The following CACTIN variants were observed in gnomAD, a reference collection of about 807,000 sequenced individuals.
CACTIN encodes the protein cactin, spliceosome C complex subunit, also known as splicing factor Cactin.
Under a neutral mutation model 84.9 loss-of-function variants are expected in CACTIN, and 20 were observed. The observed-to-expected ratio is 0.24, with a 90% confidence interval of 0.17 to 0.34. CACTIN has a LOEUF of 0.34. Among genes scored for constraint, CACTIN ranks in the 10% least tolerant of loss-of-function variants. CACTIN has a pLI of 1.00. For synonymous variants in CACTIN, 549 were observed against 467.9 expected, an observed-to-expected ratio of 1.17 and a Z score of -2.24; for missense variants, 897 against 1,117.2, an observed-to-expected ratio of 0.80 and a Z score of 2.81.
At chr19:3,617,493 G>A (rs1232434518) in intron 6 of CACTIN, among the ~76,000 whole-genome samples, 1 of 152,230 alleles carries the variant, frequency 6.6e-6, no homozygotes, top group Non-Finnish European at 1.5e-5. Flanking sequence ...GGAGGGCTGA[G>A]CGACGTGGTG....
At position 3,623,715 on chromosome 19, in the gene CACTIN, G is replaced by T; in HGVS notation, c.615C>A (p.Asn205Lys). 6.2e-7 allele frequency: 1 copy of T among 1,612,016 alleles called. No individual in the cohort carries two copies. Among genetic ancestry groups the T allele is most frequent in the Non-Finnish European group, 8.5e-7 (1 of 1,178,628 alleles). Reference protein sequence around the residue: ...TNTDNPFGDNNLLGTFIWNKA... With the variant: ...TNTDNPFGDNKLLGTFIWNKA... ...TATTCCAGATGAAGGTGCCCAGCAGGTTGTTGTCTCCGAAGGGGTTGTCGG... is the reference window on the plus strand; with the variant it reads ...TATTCCAGATGAAGGTGCCCAGCAGTTTGTTGTCTCCGAAGGGGTTGTCGG... Residue 205 changes from asparagine (N) to lysine (K), a missense_variant, in exon 2 of 10, where the codon AAC becomes AAA. This residue lies in a region of CACTIN where 304 missense variants were observed against 444.3 expected (regional missense o/e 0.68). Transcript: ENST00000429344.
In CACTIN at chr19:3,626,717, C is replaced by T; in HGVS notation, c.46G>A (p.Gly16Ser). Residue 16 changes from glycine to serine, a missense_variant, in exon 1 of 10, where the codon GGC (glycine) becomes AGC (serine). Physicochemically the swap from Gly to Ser is moderately conservative, Grantham distance 56 (BLOSUM62 0). Coordinates refer to ENST00000429344, the MANE Select transcript of CACTIN (RefSeq NM_001080543.2). ...RSRSRSAGRRGRRRQSQSGSR... is the reference protein window; with the variant it reads ...RSRSRSAGRRSRRRQSQSGSR... ...CCGCTCTGACTCTGCCGCCTTCGGC[C>T]CCGGCGACCCGCGGACCGCGAGCGC... 1.3e-6 allele frequency: 2 copies of T among 1,497,644 alleles called. No homozygotes were observed. The highest frequency in any genetic ancestry group is 1.8e-6 in the Non-Finnish European group (2 of 1,130,116). The allele number at this position is 1,497,644 out of a possible 1,614,324, so 92.8% of individuals were successfully genotyped here. A position where few individuals can be genotyped will look rare whatever the true frequency, so the allele number is the denominator to read the frequency against.
chr19:3,614,347 C>T lies in CACTIN; in HGVS notation c.1355+50G>A, dbSNP rs964701277. On this transcript the variant is annotated intron_variant, in intron 7 of 9. Transcript: ENST00000429344. ...ACCCAGGACTCAGGAGGGGGCGAAA[C>T]CCATCCCACCCGGACGGCACCAACC... is the stretch of plus-strand genomic sequence containing the variant. 1.4e-5 allele frequency: 21 copies of T among 1,533,458 alleles called. No homozygotes were observed. The African/African-American group carries it at 2.2e-4, about 16-fold the overall frequency. 95.0% of individuals were successfully genotyped at this position (1,533,458 alleles called of 1,614,324 possible). A position where few individuals can be genotyped will look rare whatever the true frequency, so the allele number is the denominator to read the frequency against.
intron 6 of CACTIN, among the ~76,000 whole-genome samples, chr19:3,617,607 C>T (rs543760533): frequency 4.8e-4 from 73 of 151,346 alleles, no homozygotes; most frequent in African/African-American, 1.2e-3. Context: ...CCCAGGGCAA[C>T]GCTGGAAACG....
intron 1 of CACTIN, among the ~76,000 whole-genome samples, 153 bp downstream of exon 1, chr19:3,626,443 G>A (rs111595331): frequency 4.6e-5 from 7 of 152,344 alleles, no homozygotes; most frequent in African/African-American, 1.4e-4. Flanking sequence ...CCGCTGCCAG[G>A]TTAATTCCAA....
intron 3 of CACTIN, 169 bp downstream of exon 3, chr19:3,620,538 G>T: frequency 1.5e-6 from 1 of 662,946 alleles, no homozygotes; most frequent in East Asian, 2.7e-5. Context: ...GAGCCGAGAG[G>T]TGGAGGGAAA....
At chr19:3,621,823 G>C (rs1194716207) in intron 2 of CACTIN, among the ~76,000 whole-genome samples, 3 of 152,210 alleles carry the variant, frequency 2.0e-5, no homozygotes, top group Non-Finnish European at 4.4e-5. Flanking sequence ...AGCATGTCCA[G>C]GCAGGGGCGC....
At chr19:3,614,060 C>T (rs1297996571) in intron 7 of CACTIN, 3 of 493,110 alleles carry the variant, frequency 6.1e-6, no homozygotes, top group East Asian at 3.7e-5. Flanking sequence ...ACAGGCAGGC[C>T]GCCTGGGGGC....
chr19:3,614,512 G>A lies in CACTIN; in HGVS notation c.1240C>T (p.Leu414=), dbSNP rs1346443221. 1 of 1,607,920 alleles carries A rather than the reference G, an allele frequency of 6.2e-7. No individual in the cohort carries two copies. The highest frequency in any genetic ancestry group is 8.5e-7 in the Non-Finnish European group (1 of 1,177,264). ...TCGATGCCCTGGAAGATGACCTGCA[G>A]CTGGTTGTATGTCTTCCCCTTGAAC... The part of the protein sequence containing the change: ...SVFKGKTYNQ[L]QVIFQGIEGK... The change falls in exon 7 of 10, where the codon CTG becomes TTG. Residue 414 remains leucine (L), a synonymous_variant. Coordinates refer to ENST00000429344, the MANE Select transcript of CACTIN (RefSeq NM_001080543.2).
Position 3,623,925 on chromosome 19 carries a change from G to T in CACTIN, c.405C>A (p.Ser135Arg). ...GCCGCTCCTGCAGGCTCTGCTGCTG[G>T]CTCAGGGCAGCCGCGGCCGCCCGGG... ...QSPRAAAAAL[S>R]QQQSLQERLR... is the part of the protein sequence containing the mutation. Residue 135 changes from serine to arginine, a missense_variant, in exon 2 of 10, where the codon AGC becomes AGA. Physicochemically the swap from Ser to Arg is moderately radical, Grantham distance 110. This residue lies in a region of CACTIN where 261 missense variants were observed against 243.8 expected (regional missense o/e 1.07). Coordinates refer to ENST00000429344, the MANE Select transcript of CACTIN (RefSeq NM_001080543.2). 1 of 1,605,152 alleles carries T rather than the reference G, an allele frequency of 6.2e-7. No homozygotes were observed.
rs61329155 is a variant in CACTIN, at chr19:3,611,371, G to A, written c.*552C>T. ...GTCCCGGCCTCAGTGCTGCCTGTGC[G>A]GGCGAGGGTGGCCTGTGGGCAGGGC... On this transcript the variant is annotated 3_prime_UTR_variant, in exon 10 of 10. Coordinates refer to ENST00000429344, the MANE Select transcript of CACTIN (RefSeq NM_001080543.2). 4.9e-3 allele frequency: 2,191 copies of A among 446,704 alleles called. 40 individuals carry two copies. Among genetic ancestry groups the A allele is most frequent in the African/African-American group, 0.041 (2,025 of 49,614 alleles). The allele number at this position is 446,704 out of a possible 1,614,324, so 27.7% of individuals were successfully genotyped here. A position where few individuals can be genotyped will look rare whatever the true frequency, so the allele number is the denominator to read the frequency against.
Position 3,610,778 on chromosome 19 carries a change from G to A in CACTIN, c.*1145C>T, listed in dbSNP as rs1476707. ...AAACGGAACTATTTCCAGATGAGGC[G>A]GGGTGTCTGGGAGGGGCTGTGGGTG... On this transcript the variant is annotated 3_prime_UTR_variant, in exon 10 of 10. Transcript: ENST00000429344. The A allele has an allele frequency of 0.011, 5,250 of 457,010 alleles. 52 individuals are homozygous for A. Among genetic ancestry groups the A allele is most frequent in the Non-Finnish European group, 0.016 (3,739 of 227,030 alleles). The allele number at this position is 457,010 out of a possible 1,614,324, so 28.3% of individuals were successfully genotyped here.
rs1322282319 is a variant in CACTIN at position 3,612,438 on chromosome 19, G to A, written c.1787-25C>T. 3.9e-6 allele frequency: 6 copies of A among 1,553,184 alleles called. No homozygotes were observed. The African/African-American group carries it at 5.4e-5, about 14-fold the overall frequency. On this transcript the variant is annotated intron_variant, in intron 9 of 9. Coordinates refer to ENST00000429344, the MANE Select transcript of CACTIN (RefSeq NM_001080543.2). Reference sequence around the variant, plus strand: ...CCTGCGGGCGGGACGGCGTTCACCCGGGCCTCGGCCTCCCCCTGGGTCCTG... The same window carrying A: ...CCTGCGGGCGGGACGGCGTTCACCCAGGCCTCGGCCTCCCCCTGGGTCCTG...
In CACTIN at chr19:3,621,601, T is replaced by C. The variant is rs2033226057; in HGVS notation, c.643-799A>G. ...CACAGGCGTCAACGATGACCACATC[T>C]TCCTCCTCCATGGCTGCCCGCCCAG... On this transcript the variant is annotated intron_variant, in intron 2 of 9. Coordinates refer to ENST00000429344, the MANE Select transcript of CACTIN (RefSeq NM_001080543.2). Among the ~76,000 whole-genome samples the C allele has an allele frequency of 2.0e-5, 3 of 152,144 alleles. No homozygotes were observed. The South Asian group carries it at 6.2e-4, about 32-fold the overall frequency.
Position 3,610,915 on chromosome 19 carries a change from C to G in CACTIN, c.*1008G>C, listed in dbSNP as rs773107504. ...GTCGGATGCTGAAGAACAAGCCTGCCGGCTGGGCCACTCCGACCTGGGCTG... is the reference window on the plus strand; with the variant it reads ...GTCGGATGCTGAAGAACAAGCCTGCGGGCTGGGCCACTCCGACCTGGGCTG... On this transcript the variant is annotated 3_prime_UTR_variant, in exon 10 of 10. Transcript: ENST00000429344. 7 of 456,640 alleles carry G rather than the reference C, an allele frequency of 1.5e-5. No individual in the cohort carries two copies. The highest frequency in any genetic ancestry group is 9.3e-5 in the South Asian group (6 of 64,578). The allele number at this position is 456,640 out of a possible 1,614,324, so 28.3% of individuals were successfully genotyped here.
In CACTIN at chr19:3,626,714, G is replaced by C; in HGVS notation, c.49C>G (p.Arg17Gly). ...CTCCCGCTCTGACTCTGCCGCCTTC[G>C]GCCCCGGCGACCCGCGGACCGCGAG... The part of the protein sequence containing the change: ...SRSRSAGRRG[R>G]RRQSQSGSRS... The change falls in exon 1 of 10, where the codon CGA (arginine) becomes GGA (glycine). Residue 17 changes from arginine (R) to glycine (G), a missense_variant. By Grantham distance (125) the Arg-to-Gly change is moderately radical. Coordinates refer to ENST00000429344, the MANE Select transcript of CACTIN (RefSeq NM_001080543.2). 1 of 1,498,152 alleles carries C rather than the reference G, an allele frequency of 6.7e-7. No individual in the cohort carries two copies. Among genetic ancestry groups the C allele is most frequent in the East Asian group, 2.8e-5 (1 of 35,846 alleles). The allele number at this position is 1,498,152 out of a possible 1,614,324, so 92.8% of individuals were successfully genotyped here. A position where few individuals can be genotyped will look rare whatever the true frequency, so the allele number is the denominator to read the frequency against.
chr19:3,612,649 G>A (rs1350787287), intron 9 of CACTIN: 1 of 721,950 alleles, frequency 1.4e-6, no homozygotes, highest in East Asian at 2.7e-5. Flanking sequence ...GGGACCAAGC[G>A]CAGCGCGCTT....
At chr19:3,614,097 C>T (rs973041234) in intron 7 of CACTIN, among the ~76,000 whole-genome samples, 9 of 152,166 alleles carry the variant, frequency 5.9e-5, no homozygotes, top group Middle Eastern at 3.2e-3. Context: ...GCTGCTGGAG[C>T]GCGCCAGGTA....
chr19:3,622,565 C>T (rs140645382), intron 2 of CACTIN, among the ~76,000 whole-genome samples: 2 of 152,312 alleles, frequency 1.3e-5, no homozygotes, highest in African/African-American at 2.4e-5. Context: ...AGGCCGGGTT[C>T]TGCGGCTGCA....
Sources: allele counts gnomAD v4.1 joint callset (sites outside exome capture counted in the v4.1 genomes callset), GRCh38; gene constraint gnomAD v4.1.1; regional missense constraint gnomAD v4.1.1; transcripts MANE v1.5; gene names NCBI Gene and HGNC (gene_info 2026-07-23, HGNC 2026-07-21).